RSPRY1: variants seen among roughly 807,000 people sequenced by gnomAD.
The protein encoded by RSPRY1 is RING finger and SPRY domain-containing protein 1.
A neutral mutation model predicts 73.1 loss-of-function variants in RSPRY1; 23 were observed. That is an observed-to-expected ratio of 0.31 (90% confidence interval 0.23 to 0.45). The LOEUF (loss-of-function observed/expected upper bound fraction) is 0.45. Ranked by LOEUF, RSPRY1 falls within the 20% of genes least tolerant of loss-of-function variation. The pLI, the probability that RSPRY1 is intolerant of heterozygous loss-of-function variation, is 1.00. For missense variants in RSPRY1, 448 were observed against 698.7 expected (o/e 0.64, Z 4.05); for synonymous variants, 226 against 251.4 (o/e 0.90, Z 0.95).
chr16:57,191,763 C>T (rs956479943), intron 1 of RSPRY1, among the ~76,000 whole-genome samples: 2 of 152,034 alleles, frequency 1.3e-5, no homozygotes, highest in African/African-American at 4.8e-5. Context: ...ATTCTCTAGT[C>T]CCCTTTTGCT....
intron 13 of RSPRY1, among the ~76,000 whole-genome samples, chr16:57,231,635 T>A (rs2075221994): frequency 6.6e-6 from 1 of 152,234 alleles, no homozygotes; most frequent in South Asian, 2.1e-4. Flanking sequence ...CTTTCAAATT[T>A]TTTTTGTGAG....
intron 1 of RSPRY1, among the ~76,000 whole-genome samples, chr16:57,193,716 G>C (rs563337197): frequency 6.6e-6 from 1 of 152,086 alleles, no homozygotes; most frequent in African/African-American, 2.4e-5. Context: ...TCTTGATAGG[G>C]TTTGAGTCAC....
intron 5 of RSPRY1, 42 bp from the exon 6 acceptor site, chr16:57,213,846 C>T: frequency 7.5e-7 from 1 of 1,335,918 alleles, no homozygotes; most frequent in Non-Finnish European, 1.1e-6. Flanking sequence ...TTAAAATAAT[C>T]TGGCATTTTA....
intron 1 of RSPRY1, among the ~76,000 whole-genome samples, chr16:57,188,429 C>T (rs2074290292): frequency 6.6e-6 from 1 of 152,000 alleles, no homozygotes; most frequent in South Asian, 2.1e-4. Flanking sequence ...GTGTTTGGTT[C>T]GTCGTACTTG....
At chr16:57,238,774 C>G (rs1339432381) in intron 14 of RSPRY1, 105 bp from the exon 15 acceptor site, 2 of 582,240 alleles carry the variant, frequency 3.4e-6, no homozygotes, top group Non-Finnish European at 6.1e-6. Flanking sequence ...ATTAGTAACC[C>G]TTTCAATGAA....
At chr16:57,233,746 C>T (rs895689462) in intron 13 of RSPRY1, among the ~76,000 whole-genome samples, 11 of 152,206 alleles carry the variant, frequency 7.2e-5, no homozygotes, top group Non-Finnish European at 1.5e-4. Flanking sequence ...ACCTTACTTT[C>T]TGCTATTTCC....
At chr16:57,230,098 C>T (rs1225071973) in intron 11 of RSPRY1, among the ~76,000 whole-genome samples, 2 of 150,410 alleles carry the variant, frequency 1.3e-5, no homozygotes, top group African/African-American at 4.9e-5. Flanking sequence ...GCAACCTCCG[C>T]CTCCCGGATT....
intron 1 of RSPRY1, among the ~76,000 whole-genome samples, chr16:57,194,895 G>A (rs2074412383): frequency 6.6e-6 from 1 of 152,104 alleles, no homozygotes; most frequent in Non-Finnish European, 1.5e-5. Flanking sequence ...GTAGAGGTCT[G>A]TGTTTTATAA....
At chr16:57,192,526 A>G (rs2074367928) in intron 1 of RSPRY1, among the ~76,000 whole-genome samples, 1 of 151,918 alleles carries the variant, frequency 6.6e-6, no homozygotes, top group Non-Finnish European at 1.5e-5. Context: ...GAAATTCCTT[A>G]CTCTATCCTA....
intron 10 of RSPRY1, 54 bp downstream of exon 10, chr16:57,221,469 C>A (rs1050298908): frequency 7.8e-6 from 12 of 1,534,994 alleles, no homozygotes; most frequent in South Asian, 1.2e-5. Flanking sequence ...TGCTTTTTCC[C>A]CCTAGTTGGT....
chr16:57,190,668 CT>C (rs1271613759), intron 1 of RSPRY1, among the ~76,000 whole-genome samples: 4 of 152,268 alleles, frequency 2.6e-5, no homozygotes, highest in Middle Eastern at 3.4e-3. Flanking sequence ...GGGCAACAGC[CT>C]TTTGGAGGGG....
At position 57,230,741 on chromosome 16, in the gene RSPRY1, A is replaced by G. The variant is rs138832424; in HGVS notation, c.1304A>G (p.Asn435Ser). Reference sequence around the variant, plus strand: ...ACAGTAGGATTTCTGTTAGACTTGAATGAAAAGCAAATGATCTTCTTTTTA... The same window carrying G: ...ACAGTAGGATTTCTGTTAGACTTGAGTGAAAAGCAAATGATCTTCTTTTTA... ...GDTVGFLLDL[N>S]EKQMIFFLNG... Residue 435 changes from asparagine (N) to serine (S), a missense_variant, in exon 12 of 15, where the codon AAT becomes AGT. By Grantham distance (46) the Asn-to-Ser change is conservative (BLOSUM62 1). Coordinates refer to ENST00000394420, the MANE Select transcript of RSPRY1 (RefSeq NM_133368.3). 6.0e-5 allele frequency: 97 copies of G among 1,609,762 alleles called. No homozygotes were observed. In the African/African-American group the frequency reaches 1.1e-3, roughly 19 times the overall value.
chr16:57,189,137 G>A lies in RSPRY1; in HGVS notation c.-156+2686G>A, dbSNP rs56061089. On this transcript the variant is annotated intron_variant, in intron 1 of 14. Transcript: ENST00000394420. Reference sequence around the variant, plus strand: ...GCCTCCCAAGTAACTGGGATTACAGGCAAGCACCACCCGTGCCTGGCTAAT... The same window carrying A: ...GCCTCCCAAGTAACTGGGATTACAGACAAGCACCACCCGTGCCTGGCTAAT... Among the ~76,000 whole-genome samples, 796 of 151,950 alleles carry A rather than the reference G, an allele frequency of 5.2e-3. 2 individuals are homozygous for A. The highest frequency in any genetic ancestry group is 0.02 in the Middle Eastern group (6 of 294).
intron 14 of RSPRY1, among the ~76,000 whole-genome samples, chr16:57,235,746 C>T (rs1428567047): frequency 3.9e-5 from 6 of 152,108 alleles, no homozygotes; most frequent in South Asian, 2.1e-4. Flanking sequence ...CAATGTGTGC[C>T]GATTGTTTAT....
At chr16:57,206,720 A>T (rs1354185447) in intron 2 of RSPRY1, among the ~76,000 whole-genome samples, 3 of 152,018 alleles carry the variant, frequency 2.0e-5, no homozygotes, top group Non-Finnish European at 2.9e-5. Context: ...GTGCTACTGC[A>T]CCTGGCTAAT....
At chr16:57,232,148 C>T (rs571692918) in intron 13 of RSPRY1, among the ~76,000 whole-genome samples, 21 of 152,322 alleles carry the variant, frequency 1.4e-4, no homozygotes, top group African/African-American at 4.6e-4. Flanking sequence ...GGCCAGCATA[C>T]TGGCCATGAC....
rs766875613 is a variant in RSPRY1, at chr16:57,212,959, T to G, written c.517-13T>G. 3.7e-6 allele frequency: 6 copies of G among 1,612,812 alleles called. No homozygotes were observed. The highest frequency in any genetic ancestry group is 5.1e-6 in the Non-Finnish European group (6 of 1,179,280). ...GTATATGGGTCAAACCCACTTGTAC[T>G]TTTTTGTTTTAGGATGCACTCCAGA... On this transcript the variant is annotated splice_polypyrimidine_tract_variant and intron_variant, in intron 4 of 14. Coordinates refer to ENST00000394420, the MANE Select transcript of RSPRY1 (RefSeq NM_133368.3).
chr16:57,194,801 AGATGAATCATT>A (rs2074410781), intron 1 of RSPRY1, among the ~76,000 whole-genome samples: 1 of 152,224 alleles, frequency 6.6e-6, no homozygotes, highest in African/African-American at 2.4e-5. Context: ...ATATTTGAAG[AGATGAATCATT>A]GATTCCTGGA....
In RSPRY1 at chr16:57,208,042, G is replaced by C; in HGVS notation, c.351-16G>C. On this transcript the variant is annotated splice_polypyrimidine_tract_variant and intron_variant, in intron 2 of 14. Coordinates refer to ENST00000394420, the MANE Select transcript of RSPRY1 (RefSeq NM_133368.3). The stretch of plus-strand genomic sequence containing the variant: ...ATTATTTCCTCAGGTTTAATGCCTT[G>C]AATTTTTTTTTCCAGTGATCAGGAA... 6.5e-7 allele frequency: 1 copy of C among 1,540,928 alleles called. No individual in the cohort carries two copies. Among genetic ancestry groups the C allele is most frequent in the Non-Finnish European group, 8.9e-7 (1 of 1,128,622 alleles).
Sources: allele counts gnomAD v4.1 joint callset (sites outside exome capture counted in the v4.1 genomes callset), GRCh38; gene constraint gnomAD v4.1.1; transcripts MANE v1.5; gene names NCBI Gene and HGNC (gene_info 2026-07-23, HGNC 2026-07-21).